PRDM15: variants seen among roughly 807,000 people sequenced by gnomAD.
PRDM15 encodes the protein PR domain zinc finger protein 15.
PRDM15 carries 64 observed loss-of-function variants against 128.6 expected under a neutral mutation model. The observed-to-expected ratio is 0.50, with a 90% CI of 0.41 to 0.61. The LOEUF (loss-of-function observed/expected upper bound fraction) is 0.61. PRDM15 is among the 20% of genes least tolerant of loss of function. The pLI is 0.00. For synonymous variants in PRDM15, 615 were observed against 621.8 expected (o/e 0.99, Z 0.16); for missense variants, 1,242 against 1,569.1 (o/e 0.79, Z 3.52).
intron 1 of PRDM15, chr21:41,870,788 T>G (rs2064182448): frequency 6.6e-6 from 1 of 152,160 alleles, no homozygotes; most frequent in Admixed American, 6.5e-5. Context: ...CACTGCAGAC[T>G]CCCGGGGTCA....
chr21:41,800,093 T>C lies in PRDM15; in HGVS notation c.*1147A>G, dbSNP rs2061381571. On this transcript the variant is annotated 3_prime_UTR_variant, in exon 24 of 24. Coordinates refer to ENST00000398548, the MANE Select transcript of PRDM15 (RefSeq NM_001040424.3). ...CCACCTGGCAGGAAATAGCATTTTC[T>C]CTGTGTTTCAGAAATACCTACACTT... 2 of 152,274 alleles carry C rather than the reference T, an allele frequency of 1.3e-5. No homozygotes were observed. The highest frequency in any genetic ancestry group is 6.5e-5 in the Admixed American group (1 of 15,290). The allele number at this position is 152,274 out of a possible 1,614,324, so 9.4% of individuals were successfully genotyped here.
intron 6 of PRDM15, 30 bp downstream of exon 6, chr21:41,847,060 C>T: frequency 7.0e-7 from 1 of 1,429,732 alleles, no homozygotes; most frequent in Non-Finnish European, 9.6e-7. Flanking sequence ...AGGAGTTTTA[C>T]AACTGGGGCT....
At chr21:41,833,968 G>A (rs546222955) in intron 11 of PRDM15, among the ~76,000 whole-genome samples, 12 of 152,308 alleles carry the variant, frequency 7.9e-5, no homozygotes, top group Admixed American at 3.9e-4. Flanking sequence ...GGGGAGGTTC[G>A]CAAACAAGAT....
intron 6 of PRDM15, among the ~76,000 whole-genome samples, chr21:41,840,351 CAGA>C (rs762152377): frequency 1.3e-5 from 2 of 149,266 alleles, no homozygotes; most frequent in Non-Finnish European, 3.0e-5. Flanking sequence ...GAGGCTGAGG[CAGA>C]AGAACTGCTT....
In PRDM15 at chr21:41,859,085, G is replaced by A. The variant is rs774351358; in HGVS notation, c.131+507C>T. 1 of 1,587,224 alleles carries A rather than the reference G, an allele frequency of 6.3e-7. No individual in the cohort carries two copies. The highest frequency in any genetic ancestry group is 1.3e-5 in the African/African-American group (1 of 74,788). On this transcript the variant is annotated intron_variant, in intron 3 of 23. Transcript: ENST00000398548. This position sits in a 1 kb window ranked among gnomAD's most constrained non-coding sequence, Gnocchi z 5.3. ...CCCCCAGGTGAGGGTGGAACGGCAGGGCAGCTGCTGCCCACTGAGCCGCCT... is the reference window on the plus strand; with the variant it reads ...CCCCCAGGTGAGGGTGGAACGGCAGAGCAGCTGCTGCCCACTGAGCCGCCT...
At chr21:41,846,181 T>G (rs1601359894) in intron 6 of PRDM15, among the ~76,000 whole-genome samples, 2 of 152,344 alleles carry the variant, frequency 1.3e-5, no homozygotes, top group East Asian at 3.9e-4. Flanking sequence ...GCCTGGGGCC[T>G]CTGAGCACGT....
At chr21:41,848,383 AAAAAT>A (rs2063331416) in intron 5 of PRDM15, among the ~76,000 whole-genome samples, 1 of 152,230 alleles carries the variant, frequency 6.6e-6, no homozygotes, top group Non-Finnish European at 1.5e-5. Flanking sequence ...TTGTCATACT[AAAAAT>A]AAAGAAAGAG....
chr21:41,866,823 C>A (rs1230892640), intron 1 of PRDM15, among the ~76,000 whole-genome samples: 1 of 152,166 alleles, frequency 6.6e-6, no homozygotes, highest in Non-Finnish European at 1.5e-5. Context: ...GGGGCCTGCA[C>A]AGGGGAAGCC....
intron 18 of PRDM15, 65 bp from the exon 19 acceptor site, chr21:41,815,901 C>T (rs566767056): frequency 1.8e-5 from 29 of 1,592,816 alleles, no homozygotes; most frequent in East Asian, 6.7e-5. Context: ...GGCCCATGCC[C>T]GAGACCCTGG....
At chr21:41,845,807 T>C (rs1027593482) in intron 6 of PRDM15, among the ~76,000 whole-genome samples, 2 of 152,112 alleles carry the variant, frequency 1.3e-5, no homozygotes, top group African/African-American at 4.8e-5. Context: ...AAACTAGTTA[T>C]TAAGAAGAAA....
intron 11 of PRDM15, among the ~76,000 whole-genome samples, chr21:41,830,260 CCACA>C (rs1196749389): frequency 5.8e-4 from 87 of 149,520 alleles, no homozygotes; most frequent in Non-Finnish European, 9.2e-4. Context: ...CACACACCCC[CCACA>C]CAAATACACA....
chr21:41,835,384 T>C, intron 11 of PRDM15, 53 bp downstream of exon 11: 1 of 1,441,580 alleles, frequency 6.9e-7, no homozygotes, highest in African/African-American at 1.4e-5. Context: ...CCGCGGCGTA[T>C]CTAGAATCCG....
rs13051858 is a variant in PRDM15 at position 41,858,436 on chromosome 21, C to T, written c.132-1107G>A. 5.5e-5 allele frequency among the ~76,000 whole-genome samples: 8 copies of T among 145,896 alleles called. 1 individual carries two copies. In the South Asian group the frequency reaches 1.5e-3, roughly 28 times the overall value. On this transcript the variant is annotated intron_variant, in intron 3 of 23. Coordinates refer to ENST00000398548, the MANE Select transcript of PRDM15 (RefSeq NM_001040424.3). ...TGGGTGCCCAGAGCACAGGCCTCTC[C>T]GACAGAGGCGGACATGGGGTGCCCA...
chr21:41,867,138 C>T (rs1255987320), intron 1 of PRDM15, among the ~76,000 whole-genome samples: 2 of 143,506 alleles, frequency 1.4e-5, no homozygotes, highest in Non-Finnish European at 3.1e-5. Flanking sequence ...CCCAGAAAGC[C>T]CAGAAACCTC....
At chr21:41,870,482 G>A (rs1031281192) in intron 1 of PRDM15, among the ~76,000 whole-genome samples, 5 of 152,058 alleles carry the variant, frequency 3.3e-5, no homozygotes, top group African/African-American at 4.8e-5. Context: ...ACCCACTAAC[G>A]GAAAAAGCAA....
Position 41,801,125 on chromosome 21 carries a change from G to C in PRDM15, c.*115C>G, listed in dbSNP as rs987354959. The C allele has an allele frequency of 2.8e-6, 4 of 1,410,800 alleles. No individual in the cohort carries two copies. In the African/African-American group the frequency reaches 5.7e-5, roughly 20 times the overall value. 87.4% of individuals were successfully genotyped at this position (1,410,800 alleles called of 1,614,324 possible). On this transcript the variant is annotated 3_prime_UTR_variant, in exon 24 of 24. Transcript: ENST00000398548. ...ATCTGGAGATACTCTGCAAAGCTAA[G>C]TCAACCTTACATTGCAATGTATGAC...
chr21:41,836,095 G>A lies in PRDM15; in HGVS notation c.1278+18C>T, dbSNP rs2062879989. ...TCCACACAACTGGGAAGAGAACCCT[G>A]GGCTTGTTTCCACCCACCTCGTTCC... On this transcript the variant is annotated intron_variant, in intron 10 of 23. Coordinates refer to ENST00000398548, the MANE Select transcript of PRDM15 (RefSeq NM_001040424.3). The A allele has an allele frequency of 5.0e-6, 8 of 1,586,560 alleles. No homozygotes were observed. Among genetic ancestry groups the A allele is most frequent in the East Asian group, 2.2e-5 (1 of 44,724 alleles).
At chr21:41,872,347 C>T (rs970782041) in intron 1 of PRDM15, among the ~76,000 whole-genome samples, 8 of 152,180 alleles carry the variant, frequency 5.3e-5, no homozygotes, top group Admixed American at 2.0e-4. Context: ...CTTACATTCT[C>T]TTCCCCTCCC....
Position 41,828,076 on chromosome 21 carries a change from C to G in PRDM15, c.1534+90G>C, listed in dbSNP as rs28528855. On this transcript the variant is annotated intron_variant, in intron 12 of 23. Transcript: ENST00000398548. The surrounding 1 kb of genome is among the most constrained non-coding windows in gnomAD (Gnocchi z 5.7). ...GAGCAGGCGGCACCGAACTGCTCCC[C>G]AAAGGCCCTGCTGACTGCTCCATGC... The G allele has an allele frequency of 0.23, 329,141 of 1,414,490 alleles. 40,685 individuals are homozygous for G. Among genetic ancestry groups the G allele is most frequent in the African/African-American group, 0.36 (25,391 of 71,100 alleles). 87.6% of individuals were successfully genotyped at this position (1,414,490 alleles called of 1,614,324 possible). A position where few individuals can be genotyped will look rare whatever the true frequency, so the allele number is the denominator to read the frequency against.
Sources: gnomAD v4.1 joint callset for allele counts (sites outside exome capture counted in the v4.1 genomes callset) on GRCh38, gnomAD v4.1.1 for gene constraint, Gnocchi (gnomAD v3.1) non-coding constraint, MANE v1.5 for transcripts, NCBI Gene and HGNC (gene_info 2026-07-23, HGNC 2026-07-21) for gene names.